Variants in ANXA10 observed in about 807,000 individuals in gnomAD.
ANXA10 encodes annexin A10.
ANXA10 carries 49 observed loss-of-function variants against 53.5 expected under a neutral mutation model. That is an observed-to-expected ratio of 0.92 (90% CI 0.73 to 1.16). The LOEUF (loss-of-function observed/expected upper bound fraction) is 1.16. ANXA10 is among the 50% of genes most tolerant of loss of function. The probability of loss-of-function intolerance (pLI) is 0.00; values close to 1 mark genes in which losing one functional copy is unlikely to be tolerated. For synonymous variants in ANXA10, 131 were observed against 128.9 expected, an observed-to-expected ratio of 1.02 and a Z score of -0.11; for missense variants, 393 against 394.4, an observed-to-expected ratio of 1.00 and a Z score of 0.03.
At chr4:168,178,527 C>T (rs1339862997) in intron 8 of ANXA10, among the ~76,000 whole-genome samples, 2 of 151,924 alleles carry the variant, frequency 1.3e-5, no homozygotes, top group Non-Finnish European at 2.9e-5. Context: ...CAACAGATGG[C>T]CTACCCTACC....
intron 1 of ANXA10, chr4:168,113,354 GT>G (rs1730841665): frequency 2.2e-5 from 3 of 137,874 alleles, no homozygotes; most frequent in Non-Finnish European, 4.7e-5. Flanking sequence ...ACTTGGTCTG[GT>G]GAGAGCCCAG....
At position 168,103,597 on chromosome 4, in the gene ANXA10, C is replaced by A. The variant is rs115122936; in HGVS notation, c.18+10879C>A. Among the ~76,000 whole-genome samples the A allele has an allele frequency of 1.8e-3, 278 of 151,958 alleles. 1 individual carries two copies. In the Middle Eastern group the frequency reaches 0.021, roughly 11 times the overall value. ...ATTCTTAAAATCAGTTAGCATTACT[C>A]CTACAATTTTGGAGTTTCTTTTCAA... On this transcript the variant is annotated intron_variant, in intron 1 of 11. Coordinates refer to ENST00000359299, the MANE Select transcript of ANXA10 (RefSeq NM_007193.5).
At chr4:168,093,602 G>A (rs956448688) in intron 1 of ANXA10, among the ~76,000 whole-genome samples, 1 of 152,076 alleles carries the variant, frequency 6.6e-6, no homozygotes, top group East Asian at 1.9e-4. Context: ...GCGTGAACCC[G>A]GGAGGCGGAG....
At chr4:168,144,436 C>A (rs1206925756) in intron 3 of ANXA10, among the ~76,000 whole-genome samples, 1 of 152,184 alleles carries the variant, frequency 6.6e-6, no homozygotes, top group Non-Finnish European at 1.5e-5. Context: ...ATCCACCTAC[C>A]TTGGCCTCCC....
intron 6 of ANXA10, among the ~76,000 whole-genome samples, chr4:168,169,256 T>A (rs1731939714): frequency 6.6e-6 from 1 of 152,214 alleles, no homozygotes; most frequent in Admixed American, 6.5e-5. Flanking sequence ...TTTTTCTCAA[T>A]TTAAAAGGTA....
chr4:168,127,904 T>G, intron 1 of ANXA10, 180 bp from the exon 2 acceptor site: 1 of 576,370 alleles, frequency 1.7e-6, no homozygotes, highest in Non-Finnish European at 3.1e-6. Context: ...TTGTATTTTT[T>G]GTAGAGAGGG....
chr4:168,153,442 C>CAAAAAAAAAAAAAAAAAAAAAAAAAAAAA (rs1560782282), intron 3 of ANXA10, among the ~76,000 whole-genome samples: 1 of 42,934 alleles, frequency 2.3e-5, no homozygotes, highest in African/African-American at 9.9e-5. Context: ...AAAAAAAAAA[C>CAAAAAAAAAAAAAAAAAAAAAAAAAAAAA]AAAAACAAAA....
chr4:168,156,173 ATATTATATAT>A lies in ANXA10; in HGVS notation c.196-6351_196-6342del, dbSNP rs1369641508. ...ATATATATTATATATTATATATATTATATTATATATTATATATTATATATAATATATATTA... is the reference window on the plus strand; with the variant it reads ...ATATATATTATATATTATATATATTATATATATTATATATAATATATATTA... On this transcript the variant is annotated intron_variant, in intron 3 of 11. Coordinates refer to ENST00000359299, the MANE Select transcript of ANXA10 (RefSeq NM_007193.5). Among the ~76,000 whole-genome samples the A allele has an allele frequency of 8.4e-4, 27 of 32,084 alleles. 1 individual carries two copies. Among genetic ancestry groups the A allele is most frequent in the Admixed American group, 1.4e-3 (2 of 1,430 alleles). 21.0% of individuals were successfully genotyped at this position (32,084 alleles called of 152,430 possible).
chr4:168,156,200 T>G (rs1578923413), intron 3 of ANXA10, among the ~76,000 whole-genome samples: 1 of 10,940 alleles, frequency 9.1e-5, no homozygotes, highest in Non-Finnish European at 1.5e-4. Flanking sequence ...TTATATATAA[T>G]ATATATTATA....
chr4:168,125,728 C>A (rs1731057013), intron 1 of ANXA10, among the ~76,000 whole-genome samples: 1 of 152,150 alleles, frequency 6.6e-6, no homozygotes, highest in Non-Finnish European at 1.5e-5. Flanking sequence ...ATTTTTCTGT[C>A]ATTTAAGGAT....
At chr4:168,116,074 A>G (rs1050520027) in intron 1 of ANXA10, among the ~76,000 whole-genome samples, 2 of 151,960 alleles carry the variant, frequency 1.3e-5, no homozygotes, top group Admixed American at 6.5e-5. Context: ...AAATTTAGAG[A>G]TAAAGACAAA....
At chr4:168,127,594 C>T (rs1023943154) in intron 1 of ANXA10, among the ~76,000 whole-genome samples, 3 of 151,880 alleles carry the variant, frequency 2.0e-5, no homozygotes, top group South Asian at 4.2e-4. Context: ...ATTTGATTCT[C>T]CCATTTTTTT....
At chr4:168,179,163 A>G in intron 8 of ANXA10, 54 bp from the exon 9 acceptor site, 3 of 1,079,690 alleles carry the variant, frequency 2.8e-6, no homozygotes, top group Non-Finnish European at 4.1e-6. Context: ...ACAATCTAAT[A>G]TTTGTATTAT....
Position 168,163,619 on chromosome 4 carries a change from T to C in ANXA10, c.310-579T>C, listed in dbSNP as rs1170014884. 5.3e-5 allele frequency among the ~76,000 whole-genome samples: 8 copies of C among 152,126 alleles called. 1 individual carries two copies. The highest frequency in any genetic ancestry group is 3.9e-4 in the Admixed American group (6 of 15,234). The stretch of plus-strand genomic sequence containing the variant: ...ACAAGTGTGTTTTATCAATAATTCA[T>C]AGAATGCTAAGGATTTCTGAGGCTT... On this transcript the variant is annotated intron_variant, in intron 4 of 11. Coordinates refer to ENST00000359299, the MANE Select transcript of ANXA10 (RefSeq NM_007193.5).
At chr4:168,093,001 T>C (rs1322205548) in intron 1 of ANXA10, among the ~76,000 whole-genome samples, 1 of 152,124 alleles carries the variant, frequency 6.6e-6, no homozygotes, top group Non-Finnish European at 1.5e-5. Context: ...AGATTAAAGA[T>C]TTGGATTTGA....
intron 3 of ANXA10, among the ~76,000 whole-genome samples, chr4:168,152,411 G>T (rs908832281): frequency 2.0e-5 from 3 of 152,146 alleles, no homozygotes; most frequent in Admixed American, 1.3e-4. Flanking sequence ...AATTGTAGGT[G>T]ATGAAGTCAA....
At chr4:168,181,824 A>G in intron 10 of ANXA10, 83 bp downstream of exon 10, 2 of 1,050,718 alleles carry the variant, frequency 1.9e-6, no homozygotes, top group South Asian at 2.7e-5. Flanking sequence ...CATCATTTAA[A>G]TGTTCATTAC....
intron 4 of ANXA10, among the ~76,000 whole-genome samples, 176 bp from the exon 5 acceptor site, chr4:168,164,022 T>C (rs1026731685): frequency 7.9e-5 from 12 of 152,160 alleles, no homozygotes; most frequent in Admixed American, 3.9e-4. Flanking sequence ...CAGGGTCAAA[T>C]AGGTAGTAAA....
rs1218230056 is a variant in ANXA10 at position 168,118,405 on chromosome 4, T to C, written c.19-9679T>C. On this transcript the variant is annotated intron_variant, in intron 1 of 11. Coordinates refer to ENST00000359299, the MANE Select transcript of ANXA10 (RefSeq NM_007193.5). ...ATTTCAGGGAGGAAGCTATTGTAAC[T>C]CTGCAGGGTCTCACTCACTTTGATT... Among the ~76,000 whole-genome samples the C allele has an allele frequency of 2.1e-4, 32 of 152,166 alleles. 1 individual carries two copies. The highest frequency in any genetic ancestry group is 2.1e-3 in the Admixed American group (32 of 15,276).
Sources: gnomAD v4.1 joint callset for allele counts (sites outside exome capture counted in the v4.1 genomes callset) on GRCh38, gnomAD v4.1.1 for gene constraint, MANE v1.5 for transcripts, NCBI Gene and HGNC (gene_info 2026-07-23, HGNC 2026-07-21) for gene names.